The following EPS8 variants were observed in gnomAD, a reference collection of about 807,000 sequenced individuals.
EPS8 encodes the protein EGFR pathway substrate 8, signaling adaptor, also known as epidermal growth factor receptor kinase substrate 8.
EPS8 carries 42 observed loss-of-function variants against 103.8 expected under a neutral mutation model. The observed-to-expected ratio is 0.40, with a 90% CI of 0.32 to 0.52. The LOEUF is 0.52. Ranked by LOEUF, EPS8 falls within the 20% of genes least tolerant of loss-of-function variation. EPS8 has a pLI of 0.40. For missense variants in EPS8, 969 were observed against 1,005.1 expected (o/e 0.96, Z 0.49); for synonymous variants, 344 against 344.6 (o/e 1.00, Z 0.02).
chr12:15,648,754 G>A (rs893864757), intron 14 of EPS8, among the ~76,000 whole-genome samples: 2 of 152,154 alleles, frequency 1.3e-5, no homozygotes, highest in South Asian at 2.1e-4. Context: ...TGCGAATACT[G>A]AAAGGGAGAA....
chr12:15,724,253 C>T (rs146633505), intron 1 of EPS8, among the ~76,000 whole-genome samples: 172 of 152,104 alleles, frequency 1.1e-3, no homozygotes, highest in African/African-American at 4.0e-3. Flanking sequence ...GAGACTTAGA[C>T]CCAGAAAGAA....
chr12:15,715,533 C>T (rs1270204762), intron 1 of EPS8, among the ~76,000 whole-genome samples: 1 of 151,598 alleles, frequency 6.6e-6, no homozygotes, highest in African/African-American at 2.4e-5. Context: ...TACTGGTGTG[C>T]GCCACTACGC....
intron 10 of EPS8, among the ~76,000 whole-genome samples, chr12:15,659,055 G>A (rs1332529695): frequency 1.3e-5 from 2 of 152,120 alleles, no homozygotes; most frequent in Non-Finnish European, 2.9e-5. Flanking sequence ...GGGTGATGTG[G>A]TGGGAAAAAC....
At chr12:15,682,447 T>C (rs1946024408) in intron 2 of EPS8, among the ~76,000 whole-genome samples, 1 of 152,212 alleles carries the variant, frequency 6.6e-6, no homozygotes, top group Non-Finnish European at 1.5e-5. Context: ...ACTGGAAATA[T>C]TTTGTTAGTT....
Position 15,662,042 on chromosome 12 carries a change from C to A in EPS8, c.794G>T (p.Arg265Leu). The change falls in exon 9 of 21, where the codon CGC (arginine) becomes CTC (leucine). Residue 265 changes from arginine (R) to leucine (L), a missense_variant. Transcript: ENST00000281172. ...QEETPEMMAA[R>L]IDRDVQILNH... is the part of the protein sequence containing the mutation. ...TGTACTTACCACATCTCTGTCAATG[C>A]GGGCTGCCATCATCTCAGGTGTTTC... 1 of 1,613,558 alleles carries A rather than the reference C, an allele frequency of 6.2e-7. No homozygotes were observed. Among genetic ancestry groups the A allele is most frequent in the South Asian group, 1.1e-5 (1 of 91,070 alleles).
In EPS8 at chr12:15,682,976, A is replaced by G. The variant is rs953130374; in HGVS notation, c.-21-4T>C. ...TTGTGTCTTTCACTTGTGTGTTCTA[A>G]AAAAAGAAAGACACATAGATTAAAG... is the stretch of plus-strand genomic sequence containing the variant. On this transcript the variant is annotated splice_polypyrimidine_tract_variant and splice_region_variant and intron_variant, in intron 1 of 20. Coordinates refer to ENST00000281172, the MANE Select transcript of EPS8 (RefSeq NM_004447.6). 2.0e-6 allele frequency: 3 copies of G among 1,529,882 alleles called. No individual in the cohort carries two copies. Among genetic ancestry groups the G allele is most frequent in the Non-Finnish European group, 1.8e-6 (2 of 1,129,460 alleles). The allele number at this position is 1,529,882 out of a possible 1,614,324, so 94.8% of individuals were successfully genotyped here. A position where few individuals can be genotyped will look rare whatever the true frequency, so the allele number is the denominator to read the frequency against.
At chr12:15,773,062 T>C (rs1947170676) in intron 1 of EPS8, among the ~76,000 whole-genome samples, 1 of 152,072 alleles carries the variant, frequency 6.6e-6, no homozygotes. Flanking sequence ...ACCATAGACA[T>C]TAAGCTTCTC....
chr12:15,774,536 A>G (rs1319360935), intron 1 of EPS8, among the ~76,000 whole-genome samples: 2 of 150,202 alleles, frequency 1.3e-5, no homozygotes, highest in Non-Finnish European at 3.0e-5. Context: ...GGTAAGGGAA[A>G]GGTTACAGGT....
At chr12:15,670,632 T>C (rs1945798432) in intron 4 of EPS8, among the ~76,000 whole-genome samples, 1 of 152,134 alleles carries the variant, frequency 6.6e-6, no homozygotes, top group Non-Finnish European at 1.5e-5. Flanking sequence ...CTGGCAAGGA[T>C]AAATGGATAG....
At position 15,620,139 on chromosome 12, in the gene EPS8, G is replaced by A. The variant is rs773472600; in HGVS notation, c.*1178C>T. On this transcript the variant is annotated 3_prime_UTR_variant, in exon 21 of 21. Transcript: ENST00000281172. ...AGCCGATCTAGCACAGATCCTTTTTGCTAATGAGACAGAAACCATTTATTA... is the reference window on the plus strand; with the variant it reads ...AGCCGATCTAGCACAGATCCTTTTTACTAATGAGACAGAAACCATTTATTA... 3.3e-5 allele frequency: 5 copies of A among 152,554 alleles called. No individual in the cohort carries two copies. The highest frequency in any genetic ancestry group is 7.4e-5 in the Non-Finnish European group (5 of 67,992). 9.5% of individuals were successfully genotyped at this position (152,554 alleles called of 1,614,324 possible).
chr12:15,711,373 T>C (rs1946461372), intron 1 of EPS8, among the ~76,000 whole-genome samples: 1 of 152,186 alleles, frequency 6.6e-6, no homozygotes, highest in Non-Finnish European at 1.5e-5. Flanking sequence ...CTAAGCAGCG[T>C]ATCTCCTCCA....
At chr12:15,703,142 C>T (rs943987866) in intron 1 of EPS8, among the ~76,000 whole-genome samples, 10 of 152,032 alleles carry the variant, frequency 6.6e-5, no homozygotes, top group Non-Finnish European at 1.2e-4. Flanking sequence ...AGCGAGACTC[C>T]GTCTCAAAAA....
intron 13 of EPS8, among the ~76,000 whole-genome samples, chr12:15,651,415 C>G (rs998390307): frequency 6.6e-6 from 1 of 152,130 alleles, no homozygotes; most frequent in Non-Finnish European, 1.5e-5. Context: ...CCCTTCACTC[C>G]CCTCCCATCA....
intron 1 of EPS8, among the ~76,000 whole-genome samples, chr12:15,763,324 A>G (rs1392270480): frequency 6.6e-6 from 1 of 152,198 alleles, no homozygotes; most frequent in Non-Finnish European, 1.5e-5. Flanking sequence ...AATGCAAAGC[A>G]AGGCAATGAA....
chr12:15,761,697 T>C lies in EPS8; in HGVS notation c.-22+27464A>G, dbSNP rs550434081. Among the ~76,000 whole-genome samples, 6 of 152,188 alleles carry C rather than the reference T, an allele frequency of 3.9e-5. No individual in the cohort carries two copies. In the South Asian group the frequency reaches 1.2e-3, roughly 32 times the overall value. ...CATACACTGGGGAAAAGACAGACTC[T>C]TCAATAAATGGCGCTGGGAAAACTG... On this transcript the variant is annotated intron_variant, in intron 1 of 20. Coordinates refer to ENST00000281172, the MANE Select transcript of EPS8 (RefSeq NM_004447.6). This position sits in a 1 kb window ranked among gnomAD's most constrained non-coding sequence, Gnocchi z 4.5.
chr12:15,666,392 C>T, intron 7 of EPS8, 48 bp downstream of exon 7: 1 of 1,423,120 alleles, frequency 7.0e-7, no homozygotes, highest in Non-Finnish European at 9.9e-7. Flanking sequence ...GGAAAAAAGC[C>T]TTAGAAACAA....
In EPS8 at chr12:15,621,814, T is replaced by C. The variant is rs149214049; in HGVS notation, c.2356-384A>G. 7.2e-5 allele frequency among the ~76,000 whole-genome samples: 11 copies of C among 152,318 alleles called. No individual in the cohort carries two copies. In the East Asian group the frequency reaches 1.5e-3, roughly 21 times the overall value. On this transcript the variant is annotated intron_variant, in intron 20 of 20. Transcript: ENST00000281172. ...ATACTGATCTGCCTTTAGAAGATTT[T>C]AACTCAGGCCAGAGTGGGCTCAGAA...
intron 1 of EPS8, among the ~76,000 whole-genome samples, chr12:15,774,312 C>T (rs1449755201): frequency 7.7e-6 from 1 of 129,092 alleles, no homozygotes; most frequent in Non-Finnish European, 1.6e-5. Flanking sequence ...TATATATCTA[C>T]CCCCCTCCTT....
At chr12:15,699,064 G>T (rs534299957) in intron 1 of EPS8, among the ~76,000 whole-genome samples, 1 of 152,244 alleles carries the variant, frequency 6.6e-6, no homozygotes, top group Non-Finnish European at 1.5e-5. Context: ...CGATGTGACT[G>T]CCCCTGCAAA....
Sources: gnomAD v4.1 joint callset for allele counts (sites outside exome capture counted in the v4.1 genomes callset) on GRCh38, gnomAD v4.1.1 for gene constraint, Gnocchi (gnomAD v3.1) non-coding constraint, MANE v1.5 for transcripts, NCBI Gene and HGNC (gene_info 2026-07-23, HGNC 2026-07-21) for gene names.